GATAD2B: variants seen among roughly 807,000 people sequenced by gnomAD.
The protein encoded by GATAD2B is GATA zinc finger domain containing 2B, also known as transcriptional repressor p66-beta.
Under a neutral mutation model 64.3 loss-of-function variants are expected in GATAD2B, and 8 were observed. The ratio of observed to expected loss-of-function variants is 0.12; its 90% CI spans 0.07 to 0.22. The LOEUF (loss-of-function observed/expected upper bound fraction) is 0.22, where lower values mean the gene tolerates loss of function less well. Ranked by LOEUF, GATAD2B falls within the 10% of genes least tolerant of loss-of-function variation. The pLI is 1.00. For synonymous variants in GATAD2B, 281 were observed against 271.3 expected (o/e 1.04, Z -0.35); for missense variants, 453 against 752.0 (o/e 0.60, Z 4.65).
chr1:153,810,419 A>C, intron 10 of GATAD2B, 109 bp from the exon 11 acceptor site: 1 of 1,072,530 alleles, frequency 9.3e-7, no homozygotes, highest in Non-Finnish European at 1.4e-6. Context: ...AGCAGAATTT[A>C]CCAGTATCTG....
intron 1 of GATAD2B, among the ~76,000 whole-genome samples, chr1:153,857,137 C>CATATATATAT (rs10563350): frequency 3.8e-4 from 37 of 98,244 alleles, no homozygotes; most frequent in Non-Finnish European, 7.0e-4. Context: ...TATGCATATG[C>CATATATATAT]ATATATATAT....
At chr1:153,900,847 A>G (rs997634508) in intron 1 of GATAD2B, among the ~76,000 whole-genome samples, 6 of 152,330 alleles carry the variant, frequency 3.9e-5, no homozygotes, top group African/African-American at 1.4e-4. Flanking sequence ...ACTTATAAAC[A>G]CTGAAATCTG....
intron 1 of GATAD2B, among the ~76,000 whole-genome samples, chr1:153,838,594 G>A (rs947110697): frequency 7.9e-5 from 12 of 151,900 alleles, no homozygotes; most frequent in East Asian, 1.9e-4. Flanking sequence ...CTGGGCCCCC[G>A]GGTTCAAGCG....
intron 1 of GATAD2B, among the ~76,000 whole-genome samples, chr1:153,887,943 C>T (rs1051188265): frequency 4.6e-5 from 7 of 151,840 alleles, no homozygotes; most frequent in Non-Finnish European, 7.4e-5. Flanking sequence ...AAAAATTAGC[C>T]GGGCATGGTG....
At chr1:153,817,904 T>C (rs371629020) in intron 5 of GATAD2B, 136 bp downstream of exon 5, 2 of 728,010 alleles carry the variant, frequency 2.7e-6, no homozygotes, top group South Asian at 2.2e-5. Context: ...CATGCCATAA[T>C]GGGCCAACAG....
intron 10 of GATAD2B, among the ~76,000 whole-genome samples, chr1:153,810,915 C>T (rs1674270852): frequency 1.3e-5 from 2 of 152,024 alleles, no homozygotes; most frequent in South Asian, 4.1e-4. Flanking sequence ...AGGCACCAGC[C>T]ACCACGCCGG....
At chr1:153,876,375 C>A (rs1676835599) in intron 1 of GATAD2B, among the ~76,000 whole-genome samples, 1 of 151,866 alleles carries the variant, frequency 6.6e-6, no homozygotes, top group Admixed American at 6.6e-5. Flanking sequence ...GGTTTCCGAT[C>A]CAACCAGACT....
chr1:153,871,952 AAAAT>A (rs1280729239), intron 1 of GATAD2B, among the ~76,000 whole-genome samples: 3 of 152,110 alleles, frequency 2.0e-5, no homozygotes, highest in Admixed American at 6.6e-5. Context: ...CCTGTCTCAA[AAAAT>A]AAATTAATTA....
intron 1 of GATAD2B, among the ~76,000 whole-genome samples, chr1:153,894,251 T>C (rs1055572151): frequency 4.7e-4 from 72 of 151,930 alleles, no homozygotes; most frequent in Admixed American, 1.2e-3. Flanking sequence ...GCAGATCACT[T>C]GAGGTCAGGA....
intron 1 of GATAD2B, among the ~76,000 whole-genome samples, chr1:153,914,980 T>C (rs905459988): frequency 2.0e-5 from 3 of 151,814 alleles, no homozygotes; most frequent in African/African-American, 7.3e-5. Flanking sequence ...TCCCAACACT[T>C]TGGGAGGCCA....
chr1:153,885,190 A>G (rs954418531), intron 1 of GATAD2B, among the ~76,000 whole-genome samples: 1 of 152,092 alleles, frequency 6.6e-6, no homozygotes, highest in African/African-American at 2.4e-5. Flanking sequence ...CGATGCCTTG[A>G]GCATTTCTCA....
intron 1 of GATAD2B, among the ~76,000 whole-genome samples, chr1:153,833,726 C>G (rs1191563809): frequency 6.7e-6 from 1 of 149,062 alleles, no homozygotes; most frequent in Admixed American, 6.8e-5. Context: ...AGGAGAATAG[C>G]CTGAACCTGG....
At chr1:153,849,997 G>A (rs190506624) in intron 1 of GATAD2B, among the ~76,000 whole-genome samples, 27 of 152,240 alleles carry the variant, frequency 1.8e-4, no homozygotes, top group African/African-American at 6.3e-4. Context: ...ATCTAGTCCT[G>A]AGAGGTAGTG....
chr1:153,812,354 C>G (rs1674321103), intron 8 of GATAD2B: 1 of 505,822 alleles, frequency 2.0e-6, no homozygotes. Context: ...AACCAGAAAA[C>G]CTGGAGGTGT....
At chr1:153,844,556 T>A (rs1397188694) in intron 1 of GATAD2B, among the ~76,000 whole-genome samples, 1 of 151,874 alleles carries the variant, frequency 6.6e-6, no homozygotes, top group Non-Finnish European at 1.5e-5. Context: ...GATTAAAGAT[T>A]AACAGGCTTG....
At chr1:153,859,273 G>A (rs1486128746) in intron 1 of GATAD2B, among the ~76,000 whole-genome samples, 3 of 151,748 alleles carry the variant, frequency 2.0e-5, no homozygotes, top group African/African-American at 7.3e-5. Context: ...AGGCTGGGGT[G>A]GGAGGATTGC....
At chr1:153,908,782 G>A (rs10908524) in intron 1 of GATAD2B, among the ~76,000 whole-genome samples, 4,456 of 31,328 alleles carry the variant, frequency 0.14, 389 homozygotes, top group African/African-American at 0.22. Context: ...AACATACTTG[G>A]AAAAAAAAAA....
intron 1 of GATAD2B, among the ~76,000 whole-genome samples, chr1:153,904,411 A>G (rs1480278333): frequency 6.6e-6 from 1 of 151,732 alleles, no homozygotes; most frequent in Non-Finnish European, 1.5e-5. Flanking sequence ...AGACAGTGAC[A>G]AGAAAGTTTT....
At chr1:153,900,876 CAT>C (rs1219488442) in intron 1 of GATAD2B, among the ~76,000 whole-genome samples, 8 of 152,114 alleles carry the variant, frequency 5.3e-5, no homozygotes, top group Non-Finnish European at 8.8e-5. Context: ...GTAATTTTCA[CAT>C]GTCACAAAAT....
Sources: allele counts gnomAD v4.1 joint callset (sites outside exome capture counted in the v4.1 genomes callset), GRCh38; gene constraint gnomAD v4.1.1; transcripts MANE v1.5; gene names NCBI Gene and HGNC (gene_info 2026-07-23, HGNC 2026-07-21).